The following SYNJ1 variants were observed in gnomAD, a reference collection of about 807,000 sequenced individuals.
The protein encoded by SYNJ1 is synaptojanin 1.
Under a neutral mutation model 168.2 loss-of-function variants are expected in SYNJ1, and 78 were observed. The ratio of observed to expected loss-of-function variants is 0.46; its 90% CI spans 0.39 to 0.56. The LOEUF (loss-of-function observed/expected upper bound fraction) is 0.56, where lower values mean the gene tolerates loss of function less well. Ranked by LOEUF, SYNJ1 falls within the 20% of genes least tolerant of loss-of-function variation. SYNJ1 has a pLI of 0.00. For missense variants in SYNJ1, 1,303 were observed against 1,597.6 expected, an observed-to-expected ratio of 0.82 and a Z score of 3.14; for synonymous variants, 539 against 548.6, an observed-to-expected ratio of 0.98 and a Z score of 0.24.
intron 12 of SYNJ1, among the ~76,000 whole-genome samples, chr21:32,676,743 CT>C (rs1392197133): frequency 6.6e-6 from 1 of 152,174 alleles, no homozygotes; most frequent in Admixed American, 6.5e-5. Flanking sequence ...TAATACACAC[CT>C]TTTAGTATTC....
intron 4 of SYNJ1, among the ~76,000 whole-genome samples, chr21:32,695,633 ATAT>A (rs1269356015): frequency 6.8e-6 from 1 of 147,956 alleles, no homozygotes; most frequent in African/African-American, 2.5e-5. Flanking sequence ...TTTTAAAAAA[ATAT>A]TTATTTATTT....
chr21:32,700,253 G>A (rs567233360), intron 3 of SYNJ1, 148 bp from the exon 4 acceptor site: 8 of 889,272 alleles, frequency 9.0e-6, no homozygotes, highest in East Asian at 5.4e-5. Flanking sequence ...CATTTTAGTT[G>A]AAAAAAATCC....
intron 23 of SYNJ1, among the ~76,000 whole-genome samples, chr21:32,647,701 G>A (rs548027633): frequency 7.6e-4 from 115 of 152,170 alleles, no homozygotes; most frequent in Non-Finnish European, 1.4e-3. Flanking sequence ...TCCATTGCAC[G>A]TGCTTGACAT....
intron 15 of SYNJ1, among the ~76,000 whole-genome samples, chr21:32,667,147 C>A (rs1393204503): frequency 6.6e-6 from 1 of 150,648 alleles, no homozygotes; most frequent in African/African-American, 2.4e-5. Context: ...AGTATAGACA[C>A]AATTTTAAAA....
At chr21:32,724,456 C>T (rs2043369602) in intron 2 of SYNJ1, among the ~76,000 whole-genome samples, 1 of 152,176 alleles carries the variant, frequency 6.6e-6, no homozygotes. Flanking sequence ...CCACTGCACT[C>T]CAGCCTGGGC....
At chr21:32,707,637 T>C (rs1357847696) in intron 2 of SYNJ1, among the ~76,000 whole-genome samples, 1 of 152,156 alleles carries the variant, frequency 6.6e-6, no homozygotes, top group Non-Finnish European at 1.5e-5. Context: ...CCTAGCCTCA[T>C]TTCCTTATAT....
chr21:32,722,879 C>T (rs577224581), intron 2 of SYNJ1, among the ~76,000 whole-genome samples: 2 of 152,056 alleles, frequency 1.3e-5, no homozygotes, highest in Admixed American at 1.3e-4. Context: ...CTTAGTAGCC[C>T]CATAAAAGAC....
At chr21:32,646,289 A>G in intron 24 of SYNJ1, 104 bp downstream of exon 24, 1 of 1,144,006 alleles carries the variant, frequency 8.7e-7, no homozygotes, top group Non-Finnish European at 1.3e-6. Context: ...CGGAGAAAAC[A>G]GGGTGCACTT....
At chr21:32,720,016 G>A (rs904296049) in intron 2 of SYNJ1, among the ~76,000 whole-genome samples, 1 of 152,084 alleles carries the variant, frequency 6.6e-6, no homozygotes, top group East Asian at 1.9e-4. Context: ...GAGGTGGGCA[G>A]ATCACCTGAG....
chr21:32,711,115 A>G (rs1309871955), intron 2 of SYNJ1, among the ~76,000 whole-genome samples: 1 of 152,192 alleles, frequency 6.6e-6, no homozygotes, highest in East Asian at 1.9e-4. Context: ...TAACTGAACA[A>G]ATTCATGCAT....
chr21:32,715,892 C>A (rs1426594294), intron 2 of SYNJ1, among the ~76,000 whole-genome samples: 1 of 151,930 alleles, frequency 6.6e-6, no homozygotes, highest in Non-Finnish European at 1.5e-5. Context: ...GAGTATCCAA[C>A]CAAGAAGAAT....
rs1452242302 is a variant in SYNJ1, at chr21:32,661,228, A to G, written c.2305-3356T>C. Among the ~76,000 whole-genome samples the G allele has an allele frequency of 2.0e-5, 3 of 152,192 alleles. No individual in the cohort carries two copies. In the South Asian group the frequency reaches 6.2e-4, roughly 31 times the overall value. Reference sequence around the variant, plus strand: ...AAAGTTGTTAGGCCGGTACTTCTACATCTCACACTTGCCAGCCCTTGCCAA... The same window carrying G: ...AAAGTTGTTAGGCCGGTACTTCTACGTCTCACACTTGCCAGCCCTTGCCAA... On this transcript the variant is annotated intron_variant, in intron 18 of 32. Transcript: ENST00000674351.
chr21:32,671,115 C>A (rs941137517), intron 14 of SYNJ1, among the ~76,000 whole-genome samples: 6 of 151,986 alleles, frequency 3.9e-5, no homozygotes, highest in Non-Finnish European at 4.4e-5. Context: ...TTGAGACCAG[C>A]CTGGGCAACA....
chr21:32,660,962 G>A (rs1381365564), intron 18 of SYNJ1, among the ~76,000 whole-genome samples: 3 of 152,150 alleles, frequency 2.0e-5, no homozygotes, highest in Admixed American at 1.3e-4. Flanking sequence ...TCAGAAGCTC[G>A]AAAAGCAGCA....
In SYNJ1 at chr21:32,687,056, C is replaced by T; in HGVS notation, c.870G>A (p.Lys290=). The T allele has an allele frequency of 6.6e-7, 1 of 1,511,018 alleles. No homozygotes were observed. The highest frequency in any genetic ancestry group is 8.9e-7 in the Non-Finnish European group (1 of 1,129,724). 93.6% of individuals were successfully genotyped at this position (1,511,018 alleles called of 1,614,324 possible). ...PAFDRHFRTL[K]NLYGKQIIVN... ...CTATTATTTGTTTACCATATAAGTT[C>T]TTAAGTGTTCTAAAATGCCTATTTA... The change falls in exon 8 of 33, where the codon AAG becomes AAA. Residue 290 remains lysine, a synonymous_variant. Coordinates refer to ENST00000674351, the MANE Select transcript of SYNJ1 (RefSeq NM_203446.3).
chr21:32,694,732 C>CTGG (rs1215849960), intron 5 of SYNJ1, among the ~76,000 whole-genome samples: 2 of 152,040 alleles, frequency 1.3e-5, no homozygotes, highest in Non-Finnish European at 2.9e-5. Context: ...CCATTAAGAG[C>CTGG]TGGGTTTAAT....
chr21:32,714,536 G>C (rs1194790728), intron 2 of SYNJ1, among the ~76,000 whole-genome samples: 1 of 152,180 alleles, frequency 6.6e-6, no homozygotes, highest in East Asian at 1.9e-4. Flanking sequence ...GAATTGACTA[G>C]ACTTGGTAAT....
chr21:32,657,963 G>T, intron 18 of SYNJ1, 91 bp from the exon 19 acceptor site: 2 of 987,966 alleles, frequency 2.0e-6, no homozygotes, highest in Non-Finnish European at 3.0e-6. Context: ...TCTATTACAT[G>T]CTGGATGCTC....
At position 32,631,532 on chromosome 21, in the gene SYNJ1, T is replaced by C; in HGVS notation, c.*273A>G. ...TTGTCCTGGTCAAGCCAGTAATAAATGGGTTTGGAGAACTTCGCATATTTT... is the reference window on the plus strand; with the variant it reads ...TTGTCCTGGTCAAGCCAGTAATAAACGGGTTTGGAGAACTTCGCATATTTT... On this transcript the variant is annotated 3_prime_UTR_variant, in exon 33 of 33. Coordinates refer to ENST00000674351, the MANE Select transcript of SYNJ1 (RefSeq NM_203446.3). 1 of 1,614,112 alleles carries C rather than the reference T, an allele frequency of 6.2e-7. No homozygotes were observed. The highest frequency in any genetic ancestry group is 8.5e-7 in the Non-Finnish European group (1 of 1,179,992).
Sources: allele counts gnomAD v4.1 joint callset (sites outside exome capture counted in the v4.1 genomes callset), GRCh38; gene constraint gnomAD v4.1.1; transcripts MANE v1.5; gene names NCBI Gene and HGNC (gene_info 2026-07-23, HGNC 2026-07-21).